The following ZNF93 variants were observed in gnomAD, a reference collection of about 807,000 sequenced individuals.
ZNF93 encodes zinc finger protein 505.
A neutral mutation model predicts 45.0 loss-of-function variants in ZNF93; 29 were observed. That is an observed-to-expected ratio of 0.64 (90% CI 0.48 to 0.88). ZNF93 has a LOEUF of 0.88. Among genes scored for constraint, ZNF93 ranks in the 40% least tolerant of loss-of-function variants. ZNF93 has a pLI of 0.00. For synonymous variants in ZNF93, 223 were observed against 244.6 expected, an observed-to-expected ratio of 0.91 and a Z score of 0.82; for missense variants, 578 against 724.0, an observed-to-expected ratio of 0.80 and a Z score of 2.31.
chr19:19,906,285 G>C (rs2063292690), intron 1 of ZNF93, among the ~76,000 whole-genome samples: 1 of 149,506 alleles, frequency 6.7e-6, no homozygotes, highest in Non-Finnish European at 1.5e-5. Flanking sequence ...GTAATGATTA[G>C]TGATGAACTT....
At chr19:19,929,416 C>T (rs1409134605) in intron 3 of ZNF93, among the ~76,000 whole-genome samples, 1 of 152,122 alleles carries the variant, frequency 6.6e-6, no homozygotes, top group Non-Finnish European at 1.5e-5. Flanking sequence ...TCTATTATTG[C>T]AAACTGGGTC....
intron 3 of ZNF93, among the ~76,000 whole-genome samples, chr19:19,918,924 T>G (rs1332216231): frequency 7.8e-6 from 1 of 127,414 alleles, no homozygotes; most frequent in Non-Finnish European, 1.6e-5. Context: ...CTGATGGTAG[T>G]TTTTTTTTTG....
At chr19:19,901,661 T>G (rs1464639207) in intron 1 of ZNF93, among the ~76,000 whole-genome samples, 1 of 152,110 alleles carries the variant, frequency 6.6e-6, no homozygotes, top group Non-Finnish European at 1.5e-5. Context: ...TTCCCCATTC[T>G]CCTTTTCTCA....
chr19:19,904,544 G>A (rs2063286842), intron 1 of ZNF93, among the ~76,000 whole-genome samples: 1 of 152,068 alleles, frequency 6.6e-6, no homozygotes, highest in Non-Finnish European at 1.5e-5. Flanking sequence ...CAATGTTGTG[G>A]AACTGAGCCC....
intron 3 of ZNF93, chr19:19,925,962 T>A (rs1259332158): frequency 6.6e-6 from 1 of 152,186 alleles, no homozygotes; most frequent in South Asian, 2.1e-4. Flanking sequence ...AATCTTCTAT[T>A]TATAATTATA....
intron 3 of ZNF93, among the ~76,000 whole-genome samples, chr19:19,921,827 C>G (rs1456365683): frequency 6.6e-6 from 1 of 151,842 alleles, no homozygotes; most frequent in Non-Finnish European, 1.5e-5. Flanking sequence ...TATTTTGAGC[C>G]TATGTGTGTC....
chr19:19,934,881 C>G lies in ZNF93; in HGVS notation c.*63C>G. 1 of 1,505,014 alleles carries G rather than the reference C, an allele frequency of 6.6e-7. No homozygotes were observed. Among genetic ancestry groups the G allele is most frequent in the Non-Finnish European group, 8.9e-7 (1 of 1,118,734 alleles). The allele number at this position is 1,505,014 out of a possible 1,614,324, so 93.2% of individuals were successfully genotyped here. ...CACACCTTACTATACACTGAGAGTT[C>G]TGAACTTACTCTGTAACCATCCCAA... On this transcript the variant is annotated 3_prime_UTR_variant, in exon 4 of 4. Transcript: ENST00000343769.
intron 3 of ZNF93, among the ~76,000 whole-genome samples, chr19:19,923,506 C>T (rs1209610760): frequency 6.6e-6 from 1 of 152,202 alleles, no homozygotes; most frequent in Non-Finnish European, 1.5e-5. Flanking sequence ...CTATGCCCTG[C>T]CCCCAGAGGT....
At chr19:19,908,788 A>G (rs2063299726) in intron 1 of ZNF93, 1 of 137,134 alleles carries the variant, frequency 7.3e-6, no homozygotes, top group African/African-American at 2.7e-5. Context: ...GGTTGCTGTG[A>G]GCCGAGATCG....
chr19:19,904,566 C>G (rs777421972), intron 1 of ZNF93, among the ~76,000 whole-genome samples: 2 of 151,856 alleles, frequency 1.3e-5, no homozygotes, highest in Non-Finnish European at 2.9e-5. Context: ...GAATCAGGGT[C>G]TGTGCTGTGT....
At chr19:19,916,291 T>C (rs2063323369) in intron 2 of ZNF93, among the ~76,000 whole-genome samples, 1 of 152,104 alleles carries the variant, frequency 6.6e-6, no homozygotes, top group African/African-American at 2.4e-5. Flanking sequence ...GGTCTCCAAC[T>C]CCTGACTTCG....
At chr19:19,910,421 A>AAT (rs2063304539) in intron 1 of ZNF93, among the ~76,000 whole-genome samples, 3 of 152,074 alleles carry the variant, frequency 2.0e-5, no homozygotes, top group Admixed American at 2.0e-4. Context: ...AAACCATAAT[A>AAT]ATATATATGT....
intron 3 of ZNF93, chr19:19,932,599 T>A (rs2122198215): frequency 6.6e-6 from 1 of 152,364 alleles, no homozygotes; most frequent in East Asian, 1.9e-4. Context: ...CAAATTTCGA[T>A]TACTTTTACC....
chr19:19,914,563 T>G (rs897460536), intron 1 of ZNF93, among the ~76,000 whole-genome samples: 1 of 152,244 alleles, frequency 6.6e-6, no homozygotes, highest in Non-Finnish European at 1.5e-5. Flanking sequence ...GTGAAGTAGC[T>G]CTCTCTCACA....
At chr19:19,929,477 C>G (rs1303356821) in intron 3 of ZNF93, among the ~76,000 whole-genome samples, 3 of 152,130 alleles carry the variant, frequency 2.0e-5, no homozygotes, top group Admixed American at 2.0e-4. Context: ...TCACTTTTAT[C>G]AATATTTGCT....
At chr19:19,913,612 T>G (rs544693042) in intron 1 of ZNF93, among the ~76,000 whole-genome samples, 3 of 152,104 alleles carry the variant, frequency 2.0e-5, no homozygotes, top group Admixed American at 1.3e-4. Context: ...AGGAGAAACT[T>G]ATATTTTTAT....
chr19:19,914,901 A>G, intron 1 of ZNF93: 1 of 329,006 alleles, frequency 3.0e-6, no homozygotes, highest in Non-Finnish European at 5.8e-6. Flanking sequence ...CAAGGTCTTC[A>G]GCTTATTGTA....
At chr19:19,912,868 C>A (rs1327162354) in intron 1 of ZNF93, among the ~76,000 whole-genome samples, 1 of 152,196 alleles carries the variant, frequency 6.6e-6, no homozygotes. Context: ...TACTCTAGCA[C>A]ATAGTGCCTG....
chr19:19,924,565 TG>T (rs1329148388), intron 3 of ZNF93, among the ~76,000 whole-genome samples: 7 of 150,690 alleles, frequency 4.6e-5, no homozygotes, highest in African/African-American at 1.7e-4. Flanking sequence ...CAGGTAACTG[TG>T]TGGGTTTCTT....
Sources: gnomAD v4.1 joint callset for allele counts (sites outside exome capture counted in the v4.1 genomes callset) on GRCh38, gnomAD v4.1.1 for gene constraint, MANE v1.5 for transcripts, NCBI Gene and HGNC (gene_info 2026-07-23, HGNC 2026-07-21) for gene names.